Variants in DLG2 observed in about 807,000 individuals in gnomAD.
DLG2 encodes disks large homolog 2.
A neutral mutation model predicts 132.5 loss-of-function variants in DLG2; 45 were observed. The ratio of observed to expected loss-of-function variants is 0.34; its 90% CI spans 0.27 to 0.44. DLG2 has a LOEUF of 0.44. Among genes scored for constraint, DLG2 ranks in the 20% least tolerant of loss-of-function variants. DLG2 has a pLI of 1.00. For missense variants in DLG2, 1,045 were observed against 1,196.9 expected, an observed-to-expected ratio of 0.87 and a Z score of 1.87; for synonymous variants, 424 against 419.6, an observed-to-expected ratio of 1.01 and a Z score of -0.13.
intron 6 of DLG2, among the ~76,000 whole-genome samples, chr11:84,988,980 T>C (rs1298693508): frequency 6.6e-6 from 1 of 152,108 alleles, no homozygotes; most frequent in African/African-American, 2.4e-5. Flanking sequence ...TAAAAACTCC[T>C]AGAACTAATG....
intron 8 of DLG2, among the ~76,000 whole-genome samples, chr11:84,217,719 C>G (rs1055389724): frequency 6.6e-6 from 1 of 152,198 alleles, no homozygotes; most frequent in African/African-American, 2.4e-5. Flanking sequence ...TGCTCAGAAA[C>G]TTTAAAGTGC....
chr11:84,480,399 C>T (rs2099133718), intron 7 of DLG2, among the ~76,000 whole-genome samples: 1 of 152,032 alleles, frequency 6.6e-6, no homozygotes, highest in South Asian at 2.1e-4. Context: ...GCGAAACAGG[C>T]AGTGAATGAG....
chr11:84,166,834 G>A (rs1353421574), intron 8 of DLG2: 3 of 484,486 alleles, frequency 6.2e-6, no homozygotes, highest in Non-Finnish European at 1.3e-5. Flanking sequence ...TTGCCTTGGT[G>A]TCTCATATAA....
intron 18 of DLG2, among the ~76,000 whole-genome samples, chr11:83,633,779 C>CACAT (rs1233611654): frequency 5.4e-5 from 8 of 148,646 alleles, no homozygotes; most frequent in Non-Finnish European, 1.0e-4. Flanking sequence ...CACACACACA[C>CACAT]ACAACTGCGG....
chr11:85,559,551 ATAAT>A (rs911842011), intron 3 of DLG2, among the ~76,000 whole-genome samples: 3 of 151,470 alleles, frequency 2.0e-5, no homozygotes, highest in Non-Finnish European at 4.4e-5. Flanking sequence ...CTATTCTTAA[ATAAT>A]TAAATATATT....
At chr11:84,540,232 A>G (rs924342141) in intron 6 of DLG2, among the ~76,000 whole-genome samples, 1 of 152,186 alleles carries the variant, frequency 6.6e-6, no homozygotes, top group African/African-American at 2.4e-5. Context: ...AGCAAAAGAA[A>G]CTACCATCAG....
intron 3 of DLG2, among the ~76,000 whole-genome samples, chr11:85,514,576 T>C (rs949492011): frequency 6.6e-6 from 1 of 151,944 alleles, no homozygotes; most frequent in Non-Finnish European, 1.5e-5. Flanking sequence ...ATCATTCCTC[T>C]AACAGATTCT....
intron 6 of DLG2, among the ~76,000 whole-genome samples, chr11:85,036,942 A>G (rs2154147304): frequency 6.6e-6 from 1 of 152,236 alleles, no homozygotes; most frequent in African/African-American, 2.4e-5. Context: ...CTCCACAAGG[A>G]TTTTTCTCTG....
intron 3 of DLG2, among the ~76,000 whole-genome samples, chr11:85,489,180 A>G (rs1411095121): frequency 1.3e-5 from 2 of 152,174 alleles, no homozygotes; most frequent in African/African-American, 4.8e-5. Context: ...TAATAACCCA[A>G]TCTTACCTAG....
At chr11:83,928,231 G>A (rs567556291) in intron 15 of DLG2, among the ~76,000 whole-genome samples, 41 of 152,000 alleles carry the variant, frequency 2.7e-4, no homozygotes, top group African/African-American at 9.2e-4. Flanking sequence ...GGGGCCTGGT[G>A]CATATCAGAA....
chr11:84,850,317 G>A (rs948913541), intron 6 of DLG2, among the ~76,000 whole-genome samples: 3 of 152,094 alleles, frequency 2.0e-5, no homozygotes, highest in East Asian at 1.9e-4. Context: ...AGACTTAGAG[G>A]AGGAAGAGTC....
intron 6 of DLG2, among the ~76,000 whole-genome samples, chr11:84,782,757 T>C (rs919008804): frequency 3.3e-5 from 5 of 152,198 alleles, no homozygotes; most frequent in African/African-American, 7.2e-5. Context: ...CTTTACACTC[T>C]TCTTTGCAAA....
At chr11:84,601,203 C>T (rs944308150) in intron 6 of DLG2, among the ~76,000 whole-genome samples, 1 of 151,934 alleles carries the variant, frequency 6.6e-6, no homozygotes, top group African/African-American at 2.4e-5. Flanking sequence ...TGTAGTGATA[C>T]ATTTGCCACT....
intron 6 of DLG2, among the ~76,000 whole-genome samples, chr11:84,833,724 T>A (rs2153998632): frequency 6.6e-6 from 1 of 151,660 alleles, no homozygotes; most frequent in South Asian, 2.1e-4. Flanking sequence ...AATGGAAAGT[T>A]GGTTTAAATC....
intron 11 of DLG2, among the ~76,000 whole-genome samples, chr11:83,988,838 G>T (rs545473268): frequency 1.3e-5 from 2 of 151,822 alleles, no homozygotes; most frequent in Non-Finnish European, 2.9e-5. Context: ...TCCTTATCCT[G>T]CTCTAGTTTT....
intron 3 of DLG2, among the ~76,000 whole-genome samples, chr11:85,513,624 T>C (rs896716960): frequency 6.6e-6 from 1 of 151,942 alleles, no homozygotes; most frequent in African/African-American, 2.4e-5. Context: ...ACCAGCAAGG[T>C]ACAAACTTCT....
intron 3 of DLG2, among the ~76,000 whole-genome samples, chr11:85,456,560 G>T (rs962075176): frequency 6.6e-6 from 1 of 152,082 alleles, no homozygotes; most frequent in Non-Finnish European, 1.5e-5. Context: ...TGTGATGTTA[G>T]GTTGTTAATT....
chr11:85,497,716 C>T (rs2093699950), intron 3 of DLG2, among the ~76,000 whole-genome samples: 1 of 152,142 alleles, frequency 6.6e-6, no homozygotes, highest in Non-Finnish European at 1.5e-5. Flanking sequence ...GCCCATCAGA[C>T]TAAAAGCTGA....
chr11:85,559,453 G>C (rs1332099906), intron 3 of DLG2, among the ~76,000 whole-genome samples: 2 of 151,278 alleles, frequency 1.3e-5, no homozygotes, highest in African/African-American at 4.8e-5. Context: ...CCGGCCACAT[G>C]GCTTCCATTA....
Sources: gnomAD v4.1 joint callset for allele counts (sites outside exome capture counted in the v4.1 genomes callset) on GRCh38, gnomAD v4.1.1 for gene constraint, MANE v1.5 for transcripts, NCBI Gene and HGNC (gene_info 2026-07-23, HGNC 2026-07-21) for gene names.